KLHL14: variants seen among roughly 807,000 people sequenced by gnomAD.
KLHL14 encodes the protein kelch like family member 14.
In KLHL14, 22 loss-of-function variants were observed where a neutral mutation model predicts 64.3. The ratio of observed to expected loss-of-function variants is 0.34; its 90% confidence interval spans 0.24 to 0.49. The LOEUF (loss-of-function observed/expected upper bound fraction) is 0.49. KLHL14 is among the 20% of genes least tolerant of loss of function. KLHL14 has a pLI of 0.99. For missense variants in KLHL14, 661 were observed against 789.0 expected (o/e 0.84, Z 1.94); for synonymous variants, 322 against 333.4 (o/e 0.97, Z 0.37).
At chr18:32,766,087 T>C (rs1396501796) in intron 2 of KLHL14, among the ~76,000 whole-genome samples, 1 of 152,074 alleles carries the variant, frequency 6.6e-6, no homozygotes, top group East Asian at 1.9e-4. Flanking sequence ...ATTAATGTAT[T>C]GATGAAGTAC....
At chr18:32,685,646 T>TAGA (rs2049873475) in intron 5 of KLHL14, among the ~76,000 whole-genome samples, 2 of 152,198 alleles carry the variant, frequency 1.3e-5, no homozygotes, top group Non-Finnish European at 2.9e-5. Flanking sequence ...AATTATTTCC[T>TAGA]CAGGTACCTT....
intron 7 of KLHL14, among the ~76,000 whole-genome samples, chr18:32,679,095 G>A (rs899986572): frequency 7.9e-5 from 12 of 152,100 alleles, no homozygotes; most frequent in African/African-American, 2.2e-4. Flanking sequence ...AAGAAAATCC[G>A]TTCTCATTGG....
Position 32,705,860 on chromosome 18 carries a change from C to G in KLHL14, c.1070-10308G>C, listed in dbSNP as rs549662254. On this transcript the variant is annotated intron_variant, in intron 3 of 8. Transcript: ENST00000359358. The stretch of plus-strand genomic sequence containing the variant: ...CTACACTGTCCTTTTGGACAGCGGG[C>G]CTGCTCTACCTACTCAAGTTCCCAT... Among the ~76,000 whole-genome samples, 6 of 152,306 alleles carry G rather than the reference C, an allele frequency of 3.9e-5. No individual in the cohort carries two copies. The South Asian group carries it at 6.2e-4, about 16-fold the overall frequency.
rs1280401217 is a variant in KLHL14 at position 32,680,999 on chromosome 18, T to G, written c.1239-400A>C. Among the ~76,000 whole-genome samples the G allele has an allele frequency of 2.6e-5, 4 of 152,190 alleles. No homozygotes were observed. The highest frequency in any genetic ancestry group is 9.6e-5 in the African/African-American group (4 of 41,454). On this transcript the variant is annotated intron_variant, in intron 5 of 8. Transcript: ENST00000359358. This position sits in a 1 kb window ranked among gnomAD's most constrained non-coding sequence, Gnocchi z 4.8. ...AATAATAAATTATCTTGACATTCAC[T>G]TTCTTTATGGTCCTTCAAGGGTCAT...
intron 2 of KLHL14, among the ~76,000 whole-genome samples, chr18:32,751,625 G>A (rs192600980): frequency 6.6e-6 from 1 of 152,244 alleles, no homozygotes; most frequent in Admixed American, 6.5e-5. Flanking sequence ...ACAGAGTCTG[G>A]CTATGTGGTG....
intron 3 of KLHL14, among the ~76,000 whole-genome samples, chr18:32,700,750 C>T (rs1453658829): frequency 6.6e-6 from 1 of 152,064 alleles, no homozygotes; most frequent in Non-Finnish European, 1.5e-5. Flanking sequence ...AGTAAATAAG[C>T]TCTTTTGTTT....
chr18:32,758,872 C>G (rs748759282), intron 2 of KLHL14, among the ~76,000 whole-genome samples: 4 of 152,034 alleles, frequency 2.6e-5, no homozygotes, highest in Non-Finnish European at 5.9e-5. Flanking sequence ...TATGAAATGT[C>G]CAGAATAGGC....
At chr18:32,759,759 G>A (rs992550019) in intron 2 of KLHL14, among the ~76,000 whole-genome samples, 1 of 151,734 alleles carries the variant, frequency 6.6e-6, no homozygotes, top group African/African-American at 2.4e-5. Flanking sequence ...GAAACCTTAG[G>A]AGAGGGAGAT....
rs1328242126 is a variant in KLHL14, at chr18:32,734,224, G to A, written c.1069+7704C>T. On this transcript the variant is annotated intron_variant, in intron 3 of 8. Transcript: ENST00000359358. ...TGAGCTTGCACTTTCCTGCTTCCCT[G>A]AAATGGGGTGTGGTCCTGTGACTGA... The A allele has an allele frequency of 2.0e-5, 14 of 702,854 alleles. No homozygotes were observed. In the East Asian group the frequency reaches 3.0e-4, roughly 15 times the overall value. The allele number at this position is 702,854 out of a possible 1,614,324, so 43.5% of individuals were successfully genotyped here.
intron 2 of KLHL14, among the ~76,000 whole-genome samples, chr18:32,763,324 A>T (rs1318744937): frequency 6.6e-6 from 1 of 152,126 alleles, no homozygotes; most frequent in Non-Finnish European, 1.5e-5. Flanking sequence ...CTCGTTCTTC[A>T]TTGGTTGAGT....
intron 3 of KLHL14, among the ~76,000 whole-genome samples, chr18:32,717,643 T>G (rs2050052961): frequency 6.6e-6 from 1 of 152,222 alleles, no homozygotes; most frequent in African/African-American, 2.4e-5. Context: ...GCTATTTGCT[T>G]AAATGCTGAC....
chr18:32,705,166 A>G (rs1474609325), intron 3 of KLHL14, among the ~76,000 whole-genome samples: 1 of 152,238 alleles, frequency 6.6e-6, no homozygotes, highest in Non-Finnish European at 1.5e-5. Flanking sequence ...ATGAATTATT[A>G]GAATTAGATC....
chr18:32,768,390 GACACACACACACACAC>G (rs10567081), intron 2 of KLHL14, among the ~76,000 whole-genome samples: 50 of 141,674 alleles, frequency 3.5e-4, no homozygotes, highest in African/African-American at 1.3e-3. Context: ...GAAACATAAT[GACACACACACACACAC>G]ACACACACAC....
chr18:32,727,377 AG>A (rs1370061224), intron 3 of KLHL14, among the ~76,000 whole-genome samples: 1 of 152,226 alleles, frequency 6.6e-6, no homozygotes, highest in Non-Finnish European at 1.5e-5. Flanking sequence ...ATGAAGCCCC[AG>A]TGCTGAGATT....
chr18:32,713,377 C>T (rs1275170291), intron 3 of KLHL14, among the ~76,000 whole-genome samples: 1 of 152,166 alleles, frequency 6.6e-6, no homozygotes, highest in Admixed American at 6.5e-5. Context: ...TCAACTTGCT[C>T]AGGACAAAAG....
At chr18:32,675,978 T>C (rs1439748369) in intron 8 of KLHL14, among the ~76,000 whole-genome samples, 3 of 152,256 alleles carry the variant, frequency 2.0e-5, no homozygotes, top group East Asian at 3.9e-4. Flanking sequence ...AAATTAATCT[T>C]ACAAAACTAA....
chr18:32,763,844 G>C (rs750038953), intron 2 of KLHL14, among the ~76,000 whole-genome samples: 1 of 152,328 alleles, frequency 6.6e-6, no homozygotes, highest in Middle Eastern at 3.4e-3. Flanking sequence ...GTCAGGCACT[G>C]AGTTAAGTGC....
At chr18:32,726,440 A>C (rs953276326) in intron 3 of KLHL14, among the ~76,000 whole-genome samples, 4 of 152,054 alleles carry the variant, frequency 2.6e-5, no homozygotes, top group African/African-American at 9.7e-5. Flanking sequence ...CCTGGCCAAC[A>C]TGTTGAAACC....
chr18:32,706,250 C>T (rs1028747324), intron 3 of KLHL14, among the ~76,000 whole-genome samples: 1 of 152,080 alleles, frequency 6.6e-6, no homozygotes, highest in Non-Finnish European at 1.5e-5. Flanking sequence ...CAGCTTGTCA[C>T]ACATAAGGGA....
Sources: allele counts gnomAD v4.1 joint callset (sites outside exome capture counted in the v4.1 genomes callset), GRCh38; gene constraint gnomAD v4.1.1; non-coding constraint Gnocchi (gnomAD v3.1); transcripts MANE v1.5; gene names NCBI Gene and HGNC (gene_info 2026-07-23, HGNC 2026-07-21).